The following DENND2D variants were observed in gnomAD, a reference collection of about 807,000 sequenced individuals.
The protein encoded by DENND2D is DENN domain containing 2D.
A neutral mutation model predicts 59.8 loss-of-function variants in DENND2D; 37 were observed. That is an observed-to-expected ratio of 0.62 (90% CI 0.48 to 0.81). The LOEUF is 0.81. Among genes scored for constraint, DENND2D ranks in the 40% least tolerant of loss-of-function variants. The probability of loss-of-function intolerance (pLI) is 0.00; values close to 1 mark genes in which losing one functional copy is unlikely to be tolerated. For missense variants in DENND2D, 525 were observed against 579.7 expected, an observed-to-expected ratio of 0.91 and a Z score of 0.97; for synonymous variants, 219 against 211.3, an observed-to-expected ratio of 1.04 and a Z score of -0.31.
intron 3 of DENND2D, 143 bp from the exon 4 acceptor site, chr1:111,198,132 TA>T: frequency 1.4e-6 from 1 of 717,302 alleles, no homozygotes. Flanking sequence ...TGTCAGGCCC[TA>T]AACACATCAT....
At position 111,186,762 on chromosome 1, in the gene DENND2D, C is replaced by G. The variant is rs1262774600; in HGVS notation, c.*843G>C. On this transcript the variant is annotated 3_prime_UTR_variant, in exon 12 of 12. Coordinates refer to ENST00000357640, the MANE Select transcript of DENND2D (RefSeq NM_024901.5). ...TCAGTTGGAGGTAGGATGTCCAAGA[C>G]TGAAGGTAAAGGACTAGTGCAAACT... Among the ~76,000 whole-genome samples the G allele has an allele frequency of 6.6e-6, 1 of 152,184 alleles. No homozygotes were observed. Among genetic ancestry groups the G allele is most frequent in the Non-Finnish European group, 1.5e-5 (1 of 68,032 alleles).
chr1:111,201,699 C>T (rs148342016), upstream of DENND2D, among the ~76,000 whole-genome samples: 1 of 152,214 alleles, frequency 6.6e-6, no homozygotes, highest in African/African-American at 2.4e-5. Context: ...CCAGTGTTTG[C>T]CACTCCTGCT....
intron 4 of DENND2D, 109 bp from the exon 5 acceptor site, chr1:111,197,362 G>A: frequency 2.4e-5 from 37 of 1,519,546 alleles, no homozygotes; most frequent in Non-Finnish European, 3.3e-5. Context: ...GATTTATGGG[G>A]AATGGTGGGT....
At chr1:111,194,524 T>A (rs960090213) in intron 7 of DENND2D, 54 bp downstream of exon 7, 37 of 1,601,280 alleles carry the variant, frequency 2.3e-5, no homozygotes, top group Non-Finnish European at 2.9e-5. Context: ...GTCTGTTCCC[T>A]TGAACCCAGG....
At chr1:111,190,512 G>C (rs954191340) in intron 8 of DENND2D, among the ~76,000 whole-genome samples, 17 of 152,168 alleles carry the variant, frequency 1.1e-4, no homozygotes, top group African/African-American at 4.1e-4. Flanking sequence ...CATAAAGTTT[G>C]GATTTGGGGC....
chr1:111,189,274 C>T (rs1217877854), intron 8 of DENND2D, 21 bp from the exon 9 acceptor site: 2 of 1,613,998 alleles, frequency 1.2e-6, no homozygotes, highest in Non-Finnish European at 1.7e-6. Flanking sequence ...CATAGACTGG[C>T]TTTCTCTGGT....
chr1:111,196,188 C>A, intron 5 of DENND2D, 132 bp from the exon 6 acceptor site: 1 of 1,184,762 alleles, frequency 8.4e-7, no homozygotes, highest in South Asian at 1.7e-5. Context: ...TCTTCTAGGG[C>A]CCTCCACGAA....
chr1:111,189,527 C>G (rs1557951710), intron 8 of DENND2D, among the ~76,000 whole-genome samples: 1 of 152,204 alleles, frequency 6.6e-6, no homozygotes, highest in Non-Finnish European at 1.5e-5. Context: ...GGAGAAATCA[C>G]AGCCAGTCAC....
At chr1:111,204,121 T>G, upstream of DENND2D, 1 of 110,780 alleles carries the variant, frequency 9.0e-6, no homozygotes, top group Non-Finnish European at 1.3e-5. Flanking sequence ...CCTCTTCCCC[T>G]CTCCGCGCGC....
upstream of DENND2D, chr1:111,200,738 G>C (rs890840206): frequency 8.0e-7 from 1 of 1,243,562 alleles, no homozygotes; most frequent in Admixed American, 3.4e-5. Flanking sequence ...AAGAGCCCCA[G>C]GGTGTGGCGA....
At chr1:111,198,847 G>T in intron 2 of DENND2D, 105 bp from the exon 3 acceptor site, 1 of 1,145,544 alleles carries the variant, frequency 8.7e-7, no homozygotes, top group Non-Finnish European at 1.3e-6. Flanking sequence ...AAGCAGTCTA[G>T]GGTTAAGCTT....
At chr1:111,198,973 T>C (rs1041785484) in intron 2 of DENND2D, among the ~76,000 whole-genome samples, 2 of 151,884 alleles carry the variant, frequency 1.3e-5, no homozygotes, top group African/African-American at 4.8e-5. Flanking sequence ...CAACTCTACA[T>C]AAGCTTGAGT....
rs117707505 is a variant in DENND2D, at chr1:111,190,742, C to T, written c.972+1398G>A. Among the ~76,000 whole-genome samples the T allele has an allele frequency of 5.6e-4, 85 of 152,298 alleles. 2 individuals carry two copies. In the East Asian group the frequency reaches 0.013, roughly 24 times the overall value. On this transcript the variant is annotated intron_variant, in intron 8 of 11. Transcript: ENST00000357640. Reference sequence around the variant, plus strand: ...AGAGAGAATGATCCCTCCATTGTCCCTTCTTCCAAATACAAGGAGAGAGTG... The same window carrying T: ...AGAGAGAATGATCCCTCCATTGTCCTTTCTTCCAAATACAAGGAGAGAGTG...
chr1:111,198,001 C>G lies in DENND2D; in HGVS notation c.357-12G>C. On this transcript the variant is annotated splice_polypyrimidine_tract_variant and intron_variant, in intron 3 of 11. Coordinates refer to ENST00000357640, the MANE Select transcript of DENND2D (RefSeq NM_024901.5). ...AGGAGAAGGTCTCCCTAAGAAAGAG[C>G]AGACAAGGCTTGATTTGTATTGCTC... 1 of 1,613,294 alleles carries G rather than the reference C, an allele frequency of 6.2e-7. No individual in the cohort carries two copies. The highest frequency in any genetic ancestry group is 8.5e-7 in the Non-Finnish European group (1 of 1,179,506).
Position 111,197,913 on chromosome 1 carries a change from C to T in DENND2D, c.426+7G>A. Reference sequence around the variant, plus strand: ...GAAAGGAAGGGGCAGTTCTGAGCTGCACAGACCAAGAGGCGCCTGCAGTAT... The same window carrying T: ...GAAAGGAAGGGGCAGTTCTGAGCTGTACAGACCAAGAGGCGCCTGCAGTAT... On this transcript the variant is annotated splice_region_variant and intron_variant, in intron 4 of 11. Coordinates refer to ENST00000357640, the MANE Select transcript of DENND2D (RefSeq NM_024901.5). The T allele has an allele frequency of 6.2e-7, 1 of 1,613,792 alleles. No individual in the cohort carries two copies. Among genetic ancestry groups the T allele is most frequent in the Non-Finnish European group, 8.5e-7 (1 of 1,180,018 alleles).
chr1:111,204,138 C>T (rs1046426903), upstream of DENND2D: 21 of 733,176 alleles, frequency 2.9e-5, no homozygotes, highest in African/African-American at 3.9e-4. Flanking sequence ...GCGCTCCTTC[C>T]CGCTCACCTG....
In DENND2D at chr1:111,200,475, A is replaced by G. The variant is rs769237532; in HGVS notation, c.-16T>C. ...GTCCTTCCATCTCTGGGCCTTCAGG[A>G]CAGAGCGGACTCCCCTCTCCCCTAA... On this transcript the variant is annotated 5_prime_UTR_variant, in exon 1 of 12. Transcript: ENST00000357640. 1 of 1,602,306 alleles carries G rather than the reference A, an allele frequency of 6.2e-7. No homozygotes were observed. Among genetic ancestry groups the G allele is most frequent in the Non-Finnish European group, 8.5e-7 (1 of 1,174,200 alleles).
At position 111,187,711 on chromosome 1, in the gene DENND2D, A is replaced by G. The variant is rs367777463; in HGVS notation, c.1340-30T>C. 5.8e-6 allele frequency: 9 copies of G among 1,559,368 alleles called. No individual in the cohort carries two copies. In the African/African-American group the frequency reaches 1.1e-4, roughly 19 times the overall value. On this transcript the variant is annotated intron_variant, in intron 11 of 11. Transcript: ENST00000357640. ...GGGTTCAAATACAGGTGTTAGAGGC[A>G]TCTGATCTGGTCAGGCAGATTATAA...
Position 111,188,142 on chromosome 1 carries a change from T to C in DENND2D, c.1328A>G (p.Asn443Ser), listed in dbSNP as rs1448880903. 6.2e-7 allele frequency: 1 copy of C among 1,614,200 alleles called. No homozygotes were observed. The highest frequency in any genetic ancestry group is 8.5e-7 in the Non-Finnish European group (1 of 1,180,022). The change falls in exon 11 of 12, where the codon AAT (asparagine) becomes AGT (serine). Residue 443 changes from asparagine (N) to serine (S), a missense_variant. Physicochemically the swap from Asn to Ser is conservative, Grantham distance 46 (BLOSUM62 1). Transcript: ENST00000357640. ...LFIQEAEKSK[N>S]PPAGYFQQKI... The stretch of plus-strand genomic sequence containing the variant: ...GACTGTTACTGTACCTGCAGGAGGA[T>C]TCTTGCTCTTCTCGGCTTCCTGGAT...
Sources: allele counts gnomAD v4.1 joint callset (sites outside exome capture counted in the v4.1 genomes callset), GRCh38; gene constraint gnomAD v4.1.1; transcripts MANE v1.5; gene names NCBI Gene and HGNC (gene_info 2026-07-23, HGNC 2026-07-21).